The following FGF14 variants were observed in gnomAD, a reference collection of about 807,000 sequenced individuals.
The protein encoded by FGF14 is fibroblast growth factor homologous factor 4.
FGF14 carries 5 observed loss-of-function variants against 25.5 expected under a neutral mutation model. The observed-to-expected ratio is 0.20, with a 90% CI of 0.10 to 0.41. The LOEUF (loss-of-function observed/expected upper bound fraction) is 0.41. Among genes scored for constraint, FGF14 ranks in the 10% least tolerant of loss-of-function variants. The probability of loss-of-function intolerance (pLI) is 1.00; values close to 1 mark genes in which losing one functional copy is unlikely to be tolerated. For synonymous variants in FGF14, 138 were observed against 118.3 expected (o/e 1.17, Z -1.08); for missense variants, 222 against 320.1 (o/e 0.69, Z 2.34).
chr13:102,357,084 G>A (rs2139014616), intron 1 of FGF14, among the ~76,000 whole-genome samples: 1 of 150,432 alleles, frequency 6.6e-6, no homozygotes, highest in Non-Finnish European at 1.5e-5. Flanking sequence ...CATAAAATCT[G>A]AGCTGTTTAA....
chr13:102,078,279 G>A (rs2043454898), intron 1 of FGF14, among the ~76,000 whole-genome samples: 1 of 152,098 alleles, frequency 6.6e-6, no homozygotes, highest in East Asian at 1.9e-4. Flanking sequence ...AATATTTTAA[G>A]AAGTTCTCAC....
At chr13:101,996,297 C>T (rs2039182242) in intron 1 of FGF14, among the ~76,000 whole-genome samples, 1 of 152,082 alleles carries the variant, frequency 6.6e-6, no homozygotes, top group Non-Finnish European at 1.5e-5. Context: ...GATGTTGGAG[C>T]TCAGTAGATT....
chr13:101,829,855 G>T (rs959317072), intron 3 of FGF14, among the ~76,000 whole-genome samples: 1 of 152,044 alleles, frequency 6.6e-6, no homozygotes, highest in Admixed American at 6.6e-5. Flanking sequence ...GCAAATATAT[G>T]AGGTGGGCTC....
intron 1 of FGF14, among the ~76,000 whole-genome samples, chr13:102,074,019 T>A (rs1200816154): frequency 6.6e-6 from 1 of 152,208 alleles, no homozygotes; most frequent in African/African-American, 2.4e-5. Flanking sequence ...AGCTATCTTG[T>A]CTTTTTGAGA....
intron 1 of FGF14, among the ~76,000 whole-genome samples, chr13:102,061,002 C>T (rs935481955): frequency 2.0e-5 from 3 of 152,184 alleles, no homozygotes; most frequent in Non-Finnish European, 2.9e-5. Context: ...TAGGGGAGTT[C>T]GGCTAAGGGC....
chr13:102,024,992 C>T (rs553826725), intron 1 of FGF14, among the ~76,000 whole-genome samples: 9 of 150,024 alleles, frequency 6.0e-5, no homozygotes, highest in East Asian at 2.0e-4. Context: ...TACACACACA[C>T]ATATATAAAC....
chr13:102,147,536 G>A (rs2046903351), intron 1 of FGF14, among the ~76,000 whole-genome samples: 1 of 152,208 alleles, frequency 6.6e-6, no homozygotes, highest in African/African-American at 2.4e-5. Context: ...GTTAAATATT[G>A]TGACAGTGCA....
intron 3 of FGF14, among the ~76,000 whole-genome samples, chr13:101,768,195 A>C (rs1284648795): frequency 6.6e-6 from 1 of 152,170 alleles, no homozygotes; most frequent in Non-Finnish European, 1.5e-5. Context: ...CAAGCAAAAA[A>C]AAAGCTTGAT....
At chr13:101,948,958 A>G (rs1189756028) in intron 1 of FGF14, among the ~76,000 whole-genome samples, 1 of 151,984 alleles carries the variant, frequency 6.6e-6, no homozygotes, top group Non-Finnish European at 1.5e-5. Flanking sequence ...AGTGACTATG[A>G]TGGTCTCATT....
intron 1 of FGF14, among the ~76,000 whole-genome samples, chr13:101,962,267 G>A (rs761331084): frequency 7.2e-5 from 11 of 152,028 alleles, no homozygotes; most frequent in Non-Finnish European, 1.5e-4. Context: ...TTGAAGAGGT[G>A]CTTCACTTCC....
intron 1 of FGF14, among the ~76,000 whole-genome samples, chr13:102,120,702 ATTT>A (rs10611209): frequency 0.63 from 87,982 of 140,040 alleles, 27,794 homozygotes; most frequent in East Asian, 0.88. Context: ...TAGAAAAGTG[ATTT>A]TTTTTTTTTT....
chr13:101,976,144 C>T (rs1032891152), intron 1 of FGF14, among the ~76,000 whole-genome samples: 2 of 94,132 alleles, frequency 2.1e-5, no homozygotes, highest in East Asian at 5.3e-4. Flanking sequence ...AATGTGTTGA[C>T]CTGATTGTTC....
At chr13:102,240,077 A>G (rs1308283277) in intron 1 of FGF14, among the ~76,000 whole-genome samples, 3 of 152,204 alleles carry the variant, frequency 2.0e-5, no homozygotes, top group African/African-American at 7.2e-5. Flanking sequence ...ACCACTTCAT[A>G]GCATAGTCTA....
intron 1 of FGF14, among the ~76,000 whole-genome samples, chr13:102,275,234 T>TTCTCTCTCTCTCTCTCTCTCTCTCTC (rs938286146): frequency 1.5e-5 from 1 of 67,448 alleles, no homozygotes; most frequent in African/African-American, 6.4e-5. Flanking sequence ...TTAGGCAGAT[T>TTCTCTCTCTCTCTCTCTCTCTCTCTC]TCTCTCTCTC....
chr13:101,983,366 T>A, intron 1 of FGF14, among the ~76,000 whole-genome samples: 1 of 152,162 alleles, frequency 6.6e-6, no homozygotes, highest in East Asian at 1.9e-4. Context: ...CGTTTACTAT[T>A]AAAATACTTC....
chr13:102,062,627 A>G (rs1279533938), intron 1 of FGF14, among the ~76,000 whole-genome samples: 2 of 152,230 alleles, frequency 1.3e-5, no homozygotes, highest in South Asian at 2.1e-4. Context: ...AAACATTTGA[A>G]TGAAATGAAT....
intron 1 of FGF14, among the ~76,000 whole-genome samples, chr13:102,396,112 T>C (rs1406496682): frequency 1.3e-5 from 2 of 152,144 alleles, no homozygotes; most frequent in African/African-American, 4.8e-5. Context: ...CTAAACCTTG[T>C]ACCTGGTACA....
Position 101,840,656 on chromosome 13 carries a change from G to T in FGF14, c.408+28069C>A, listed in dbSNP as rs372481193. On this transcript the variant is annotated intron_variant, in intron 3 of 4. Transcript: ENST00000376143. Reference sequence around the variant, plus strand: ...TACCTACATTTAAATCATTCATGCAGTGTTGTAAATGTACTATTTTGTGCA... The same window carrying T: ...TACCTACATTTAAATCATTCATGCATTGTTGTAAATGTACTATTTTGTGCA... Among the ~76,000 whole-genome samples the T allele has an allele frequency of 1.1e-4, 17 of 152,060 alleles. 1 individual carries two copies. The South Asian group carries it at 3.5e-3, about 32-fold the overall frequency.
In FGF14 at chr13:102,243,689, G is replaced by A. The variant is rs115747334; in HGVS notation, c.208+157782C>T. Among the ~76,000 whole-genome samples the A allele has an allele frequency of 2.2e-3, 312 of 144,286 alleles. 1 individual carries two copies. Among genetic ancestry groups the A allele is most frequent in the African/African-American group, 7.5e-3 (293 of 38,928 alleles). The allele number at this position is 144,286 out of a possible 152,430, so 94.7% of individuals were successfully genotyped here. On this transcript the variant is annotated intron_variant, in intron 1 of 4. Transcript: ENST00000376131. ...TTTTTTTTACATTTCTCTGGCCCTCGATGAAATGTATATAATAAGAGAGTA... is the reference window on the plus strand; with the variant it reads ...TTTTTTTTACATTTCTCTGGCCCTCAATGAAATGTATATAATAAGAGAGTA...
Sources: gnomAD v4.1 joint callset for allele counts (sites outside exome capture counted in the v4.1 genomes callset) on GRCh38, gnomAD v4.1.1 for gene constraint, MANE v1.5 for transcripts, NCBI Gene and HGNC (gene_info 2026-07-23, HGNC 2026-07-21) for gene names.